FRMD5: variants seen among roughly 807,000 people sequenced by gnomAD.
The protein encoded by FRMD5 is FERM domain-containing protein 5.
Under a neutral mutation model 69.0 loss-of-function variants are expected in FRMD5, and 20 were observed. That is an observed-to-expected ratio of 0.29 (90% CI 0.20 to 0.42). The LOEUF (loss-of-function observed/expected upper bound fraction) is 0.42. Among genes scored for constraint, FRMD5 ranks in the 10% least tolerant of loss-of-function variants. The pLI, the probability that FRMD5 is intolerant of heterozygous loss-of-function variation, is 1.00. For missense variants in FRMD5, 595 were observed against 708.6 expected, an observed-to-expected ratio of 0.84 and a Z score of 1.82; for synonymous variants, 271 against 260.1, an observed-to-expected ratio of 1.04 and a Z score of -0.40.
At chr15:44,182,431 G>A (rs986294195) in intron 1 of FRMD5, among the ~76,000 whole-genome samples, 2 of 147,560 alleles carry the variant, frequency 1.4e-5, no homozygotes, top group Non-Finnish European at 3.0e-5. Context: ...ACAGGTTCAA[G>A]CAAATCTCCT....
chr15:43,933,085 C>A (rs982877375), intron 1 of FRMD5, among the ~76,000 whole-genome samples: 3 of 152,166 alleles, frequency 2.0e-5, no homozygotes, highest in African/African-American at 7.2e-5. Flanking sequence ...CTCACTGGAA[C>A]AACAATAGTG....
At chr15:44,057,242 A>G (rs749595345) in intron 1 of FRMD5, among the ~76,000 whole-genome samples, 3 of 150,858 alleles carry the variant, frequency 2.0e-5, no homozygotes, top group Non-Finnish European at 4.4e-5. Flanking sequence ...CTCCTGCCTC[A>G]GCCTCCCCAG....
intron 1 of FRMD5, among the ~76,000 whole-genome samples, chr15:44,073,440 C>T (rs1172730764): frequency 6.6e-6 from 1 of 152,136 alleles, no homozygotes; most frequent in Non-Finnish European, 1.5e-5. Context: ...TTGAAGACTG[C>T]CTGCTAAATG....
At chr15:44,083,741 A>G (rs879830324) in intron 1 of FRMD5, among the ~76,000 whole-genome samples, 8 of 152,094 alleles carry the variant, frequency 5.3e-5, no homozygotes, top group Non-Finnish European at 7.4e-5. Context: ...ATAATAAAAC[A>G]TTCAAAAACA....
rs752411168 is a variant in FRMD5 at position 43,884,756 on chromosome 15, C to T, written c.999G>A (p.Lys333=). 14 of 1,614,002 alleles carry T rather than the reference C, an allele frequency of 8.7e-6. No individual in the cohort carries two copies. In the Admixed American group the frequency reaches 1.3e-4, roughly 15 times the overall value. ...VAKEVMESSA[K]IKREPPEIHR... is the part of the protein sequence containing the mutation. ...GTATTTCCGGTGGCTCCCGTTTGAT[C>T]TTAGCACTTGATTCCATGACTTCCT... is the stretch of plus-strand genomic sequence containing the variant. Residue 333 remains lysine (K), a synonymous_variant, in exon 12 of 14, where the codon AAG becomes AAA. Coordinates refer to ENST00000417257, the MANE Select transcript of FRMD5 (RefSeq NM_032892.5).
At chr15:43,886,137 TTC>T (rs1202362692) in intron 10 of FRMD5, among the ~76,000 whole-genome samples, 5 of 152,204 alleles carry the variant, frequency 3.3e-5, no homozygotes, top group Non-Finnish European at 7.3e-5. Flanking sequence ...GCAAATTTCC[TTC>T]TCTCTTAGCC....
chr15:43,939,835 A>AC (rs1308939481), intron 1 of FRMD5, among the ~76,000 whole-genome samples: 1 of 151,746 alleles, frequency 6.6e-6, no homozygotes, highest in African/African-American at 2.4e-5. Context: ...TGCTGGGATT[A>AC]CAGGTGTGAG....
chr15:44,151,735 G>GA (rs1165202310), intron 1 of FRMD5, among the ~76,000 whole-genome samples: 3 of 151,700 alleles, frequency 2.0e-5, no homozygotes, highest in Non-Finnish European at 2.9e-5. Context: ...AGCAAGGAAA[G>GA]AAAAAAAAGT....
intron 1 of FRMD5, among the ~76,000 whole-genome samples, chr15:43,946,510 T>G (rs1386701078): frequency 2.0e-5 from 3 of 152,220 alleles, no homozygotes; most frequent in Non-Finnish European, 4.4e-5. Flanking sequence ...CTACTGTTCA[T>G]TCTCTTTCCA....
chr15:43,917,900 A>T (rs888599558), intron 4 of FRMD5: 1 of 152,346 alleles, frequency 6.6e-6, no homozygotes, highest in Non-Finnish European at 1.5e-5. Flanking sequence ...GTAGGTGGGT[A>T]CACGCTGCCC....
At chr15:44,144,652 G>T (rs1300961223) in intron 1 of FRMD5, among the ~76,000 whole-genome samples, 1 of 152,098 alleles carries the variant, frequency 6.6e-6, no homozygotes, top group Non-Finnish European at 1.5e-5. Context: ...TTAGAATACT[G>T]TATCTATTTA....
intron 13 of FRMD5, among the ~76,000 whole-genome samples, chr15:43,881,432 G>T (rs906318052): frequency 2.0e-5 from 3 of 152,216 alleles, no homozygotes; most frequent in Non-Finnish European, 4.4e-5. Flanking sequence ...TGTGTCTCAT[G>T]ATGGTCATAT....
rs1200157514 is a variant in FRMD5, at chr15:43,874,349, C to T, written c.1249G>A (p.Ala417Thr). 6.2e-7 allele frequency: 1 copy of T among 1,614,228 alleles called. No homozygotes were observed. Among genetic ancestry groups the T allele is most frequent in the Admixed American group, 1.7e-5 (1 of 60,032 alleles). Residue 417 changes from alanine to threonine, a missense_variant, in exon 14 of 14, where the codon GCT becomes ACT. Physicochemically the swap from Ala to Thr is moderately conservative, Grantham distance 58. This residue lies in a region of FRMD5 where 245 missense variants were observed against 227.1 expected (regional missense o/e 1.08). Transcript: ENST00000417257. The stretch of plus-strand genomic sequence containing the variant: ...CTGTAGGCCTCGTCTGCAATCACAG[C>T]TACTCGCTCATTGCTATCTGTCCGG... The part of the protein sequence containing the change: ...SSRTDSNERV[A>T]VIADEAYSPA...
chr15:43,909,581 A>T (rs2089247116), intron 5 of FRMD5, among the ~76,000 whole-genome samples: 2 of 152,044 alleles, frequency 1.3e-5, no homozygotes, highest in African/African-American at 4.8e-5. Flanking sequence ...CCTGGGTTCA[A>T]GCAATTCTTG....
At chr15:43,906,885 G>A (rs924425784) in intron 5 of FRMD5, among the ~76,000 whole-genome samples, 23 of 152,248 alleles carry the variant, frequency 1.5e-4, no homozygotes, top group Non-Finnish European at 2.4e-4. Flanking sequence ...ACAGGCGTGA[G>A]CCACCGCACC....
At chr15:43,921,889 G>C (rs936840198) in intron 2 of FRMD5, among the ~76,000 whole-genome samples, 1 of 152,174 alleles carries the variant, frequency 6.6e-6, no homozygotes, top group Non-Finnish European at 1.5e-5. Context: ...ATGCATGGAG[G>C]CTCCTGCAGA....
chr15:44,163,455 T>C (rs1171234585), intron 1 of FRMD5, among the ~76,000 whole-genome samples: 3 of 152,214 alleles, frequency 2.0e-5, no homozygotes, highest in Non-Finnish European at 1.5e-5. Flanking sequence ...GGATAAATAA[T>C]GAATGTGGTC....
rs2089546268 is a variant in FRMD5, at chr15:43,924,374, T to A, written c.103-65A>T. ...TCTTCAGTGTAACTTTTTTTTTTTT[T>A]ATAGCCATTAAAAGTTGTTTGTAAC... On this transcript the variant is annotated intron_variant, in intron 1 of 13. Coordinates refer to ENST00000417257, the MANE Select transcript of FRMD5 (RefSeq NM_032892.5). 6 of 1,166,828 alleles carry A rather than the reference T, an allele frequency of 5.1e-6. No homozygotes were observed. In the East Asian group the frequency reaches 7.0e-5, roughly 14 times the overall value. The allele number at this position is 1,166,828 out of a possible 1,614,324, so 72.3% of individuals were successfully genotyped here.
intron 1 of FRMD5, among the ~76,000 whole-genome samples, chr15:44,085,198 ATTATATAAGCACTATGT>A (rs1482145595): frequency 2.6e-5 from 4 of 152,184 alleles, no homozygotes; most frequent in Non-Finnish European, 5.9e-5. Context: ...TTAAATAGAT[ATTATATAAGCACTATGT>A]TCTAGAGCCT....
Sources: gnomAD v4.1 joint callset for allele counts (sites outside exome capture counted in the v4.1 genomes callset) on GRCh38, gnomAD v4.1.1 for gene constraint, gnomAD v4.1.1 regional missense constraint, MANE v1.5 for transcripts, NCBI Gene and HGNC (gene_info 2026-07-23, HGNC 2026-07-21) for gene names.